The following RAPGEF4 variants were observed in gnomAD, a reference collection of about 807,000 sequenced individuals.
RAPGEF4 encodes Rap guanine nucleotide exchange factor 4.
In RAPGEF4, 66 loss-of-function variants were observed where a neutral mutation model predicts 147.9. The observed-to-expected ratio is 0.45, with a 90% CI of 0.37 to 0.55. The LOEUF (loss-of-function observed/expected upper bound fraction) is 0.55, where lower values mean the gene tolerates loss of function less well. Ranked by LOEUF, RAPGEF4 falls within the 20% of genes least tolerant of loss-of-function variation. The pLI is 0.00. For missense variants in RAPGEF4, 1,071 were observed against 1,257.3 expected (o/e 0.85, Z 2.24); for synonymous variants, 419 against 442.7 (o/e 0.95, Z 0.67).
intron 1 of RAPGEF4, among the ~76,000 whole-genome samples, chr2:172,790,041 G>C (rs72902291): frequency 2.3e-4 from 35 of 152,256 alleles, no homozygotes; most frequent in Non-Finnish European, 4.6e-4. Flanking sequence ...TCTCTAAACT[G>C]ATTTTCATAG....
chr2:173,045,441 G>C (rs1490239682), intron 29 of RAPGEF4, among the ~76,000 whole-genome samples: 1 of 152,202 alleles, frequency 6.6e-6, no homozygotes, highest in Non-Finnish European at 1.5e-5. Context: ...AACCAAAACT[G>C]TCTTATGAAG....
chr2:172,756,475 A>G (rs1463009406), intron 1 of RAPGEF4, among the ~76,000 whole-genome samples: 1 of 152,114 alleles, frequency 6.6e-6, no homozygotes, highest in Non-Finnish European at 1.5e-5. Flanking sequence ...AACCCACATA[A>G]TCTGCCATAC....
intron 17 of RAPGEF4, among the ~76,000 whole-genome samples, chr2:173,005,784 G>C (rs367613997): frequency 6.6e-6 from 1 of 152,230 alleles, no homozygotes; most frequent in Non-Finnish European, 1.5e-5. Flanking sequence ...GCCTCCCAAA[G>C]TGCTGGGATT....
At chr2:172,763,006 T>G (rs1696492857) in intron 1 of RAPGEF4, among the ~76,000 whole-genome samples, 1 of 152,198 alleles carries the variant, frequency 6.6e-6, no homozygotes, top group Non-Finnish European at 1.5e-5. Flanking sequence ...AAGGAAAGGC[T>G]TATTTAACTT....
intron 6 of RAPGEF4, among the ~76,000 whole-genome samples, chr2:172,925,807 A>AAGAG (rs1196249327): frequency 3.2e-4 from 46 of 142,146 alleles, no homozygotes; most frequent in Admixed American, 2.5e-3. Flanking sequence ...GAAAGAAAGA[A>AAGAG]AGAGAGAGAG....
chr2:172,916,976 C>T (rs1684140654), intron 4 of RAPGEF4, among the ~76,000 whole-genome samples: 1 of 152,150 alleles, frequency 6.6e-6, no homozygotes, highest in Non-Finnish European at 1.5e-5. Flanking sequence ...GCCCAGCTTC[C>T]ATTCTGAAAG....
At chr2:172,919,605 C>T (rs1263130583) in intron 5 of RAPGEF4, among the ~76,000 whole-genome samples, 1 of 152,154 alleles carries the variant, frequency 6.6e-6, no homozygotes, top group Non-Finnish European at 1.5e-5. Flanking sequence ...TCCCCTCTTC[C>T]ATGGCATCCT....
At chr2:172,775,403 T>C (rs902359017) in intron 1 of RAPGEF4, among the ~76,000 whole-genome samples, 2 of 152,206 alleles carry the variant, frequency 1.3e-5, no homozygotes, top group Admixed American at 1.3e-4. Context: ...CTGATCTCTA[T>C]GAAAACTGAA....
At chr2:172,801,126 T>C in intron 3 of RAPGEF4, among the ~76,000 whole-genome samples, 1 of 152,136 alleles carries the variant, frequency 6.6e-6, no homozygotes, top group African/African-American at 2.4e-5. Context: ...CTCAGTGACA[T>C]AGGTGCAGCT....
chr2:173,039,199 T>C (rs1185588876), intron 29 of RAPGEF4, among the ~76,000 whole-genome samples: 1 of 152,076 alleles, frequency 6.6e-6, no homozygotes, highest in Admixed American at 6.5e-5. Flanking sequence ...GGCTCACGCC[T>C]GTAATCCCAG....
chr2:172,786,822 A>G (rs1324244872), intron 1 of RAPGEF4, among the ~76,000 whole-genome samples: 2 of 152,140 alleles, frequency 1.3e-5, no homozygotes, highest in Non-Finnish European at 2.9e-5. Flanking sequence ...GCTTTGGTTC[A>G]CTATAATCAT....
chr2:172,917,393 T>G (rs185688996), intron 4 of RAPGEF4: 8 of 476,428 alleles, frequency 1.7e-5, no homozygotes, highest in African/African-American at 1.4e-4. Context: ...AGAAGCTGAT[T>G]CAGTGCCATT....
chr2:172,854,533 C>T (rs1693207326), intron 4 of RAPGEF4, among the ~76,000 whole-genome samples: 1 of 151,978 alleles, frequency 6.6e-6, no homozygotes, highest in African/African-American at 2.4e-5. Context: ...CTGACAATTT[C>T]TGTTTTTAAT....
intron 6 of RAPGEF4, among the ~76,000 whole-genome samples, chr2:172,941,558 A>G (rs10171819): frequency 0.011 from 1,707 of 152,316 alleles, 27 homozygotes; most frequent in African/African-American, 0.037. Flanking sequence ...ACTTGATAAA[A>G]TGCTTTTTTT....
At chr2:172,923,966 CTT>C (rs560020535) in intron 6 of RAPGEF4, among the ~76,000 whole-genome samples, 206 of 152,276 alleles carry the variant, frequency 1.4e-3, no homozygotes, top group Non-Finnish European at 1.5e-3. Flanking sequence ...ATTTAAAAAA[CTT>C]TAAAAAAAAT....
At chr2:173,022,933 G>A (rs1696252929) in intron 23 of RAPGEF4, among the ~76,000 whole-genome samples, 1 of 152,138 alleles carries the variant, frequency 6.6e-6, no homozygotes, top group Admixed American at 6.5e-5. Context: ...TCCATTCACT[G>A]GTTCCTCAGA....
intron 1 of RAPGEF4, among the ~76,000 whole-genome samples, chr2:172,762,329 C>G (rs769951528): frequency 3.9e-5 from 6 of 152,152 alleles, no homozygotes; most frequent in Non-Finnish European, 7.4e-5. Flanking sequence ...AAGATCTCTT[C>G]CTGAGATATA....
chr2:172,811,160 G>A (rs1687983451), intron 3 of RAPGEF4, among the ~76,000 whole-genome samples: 2 of 152,172 alleles, frequency 1.3e-5, no homozygotes, highest in Non-Finnish European at 2.9e-5. Context: ...CCCCTTTAAG[G>A]CATTAACTGC....
chr2:172,967,456 C>T lies in RAPGEF4; in HGVS notation c.1004+12C>T, dbSNP rs1317603760. ...ATCCTTCGCAAACCGTGAGTGAGAG[C>T]TCGTGGCTCACCCCTCCAGGTCCCA... On this transcript the variant is annotated intron_variant, in intron 10 of 30. Coordinates refer to ENST00000397081, the MANE Select transcript of RAPGEF4 (RefSeq NM_007023.4). 6.2e-7 allele frequency: 1 copy of T among 1,606,558 alleles called. No individual in the cohort carries two copies. The highest frequency in any genetic ancestry group is 8.5e-7 in the Non-Finnish European group (1 of 1,176,742).
Sources: gnomAD v4.1 joint callset for allele counts (sites outside exome capture counted in the v4.1 genomes callset) on GRCh38, gnomAD v4.1.1 for gene constraint, MANE v1.5 for transcripts, NCBI Gene and HGNC (gene_info 2026-07-23, HGNC 2026-07-21) for gene names.